Variants in PTPN21 observed in about 807,000 individuals in gnomAD.
PTPN21 encodes protein tyrosine phosphatase non-receptor type 21.
A neutral mutation model predicts 131.8 loss-of-function variants in PTPN21; 77 were observed. That is an observed-to-expected ratio of 0.58 (90% CI 0.49 to 0.71). PTPN21 has a LOEUF of 0.71. PTPN21 is among the 30% of genes least tolerant of loss of function. The pLI is 0.00. For missense variants in PTPN21, 1,552 were observed against 1,527.1 expected (o/e 1.02, Z -0.27); for synonymous variants, 715 against 621.3 (o/e 1.15, Z -2.24).
At chr14:88,488,341 A>AGGCGAACACTGCCCACTGTAGT (rs140472327) in intron 10 of PTPN21, among the ~76,000 whole-genome samples, 15,929 of 152,092 alleles carry the variant, frequency 0.1, 1,067 homozygotes, top group African/African-American at 0.18. Flanking sequence ...CCCAGTGTGG[A>AGGCGAACACTGCCCACTGTAGT]GGCGAACACT....
intron 15 of PTPN21, 123 bp downstream of exon 15, chr14:88,472,121 C>G (rs746343561): frequency 1.5e-6 from 1 of 649,910 alleles, no homozygotes; most frequent in Non-Finnish European, 2.7e-6. Context: ...TTATCTAAAA[C>G]AATACAATAA....
At chr14:88,536,326 C>T (rs1184945690) in intron 2 of PTPN21, among the ~76,000 whole-genome samples, 1 of 152,184 alleles carries the variant, frequency 6.6e-6, no homozygotes, top group Non-Finnish European at 1.5e-5. Context: ...TTCATAGCTA[C>T]TCTTCTAAAA....
chr14:88,524,748 T>A (rs2078449070), intron 2 of PTPN21, among the ~76,000 whole-genome samples: 1 of 151,972 alleles, frequency 6.6e-6, no homozygotes, highest in Non-Finnish European at 1.5e-5. Flanking sequence ...TTACAAAAAA[T>A]TTTAAAGTTA....
At chr14:88,472,202 G>T (rs752122361) in intron 15 of PTPN21, 42 bp downstream of exon 15, 4 of 1,090,070 alleles carry the variant, frequency 3.7e-6, no homozygotes, top group African/African-American at 1.6e-5. Context: ...TAACTTAACT[G>T]AAACTGCATG....
Position 88,497,218 on chromosome 14 carries a change from G to A in PTPN21, c.837C>T (p.Thr279=), listed in dbSNP as rs2140124820. ...FALELANKEE[T]IQFQTEDMET... is the part of the protein sequence containing the mutation. ...GTTTACTCACAGTTTGAAATTGAAT[G>A]GTCTCCTCTTTATTTGCCAGCTCTA... The change falls in exon 9 of 19, where the codon ACC becomes ACT. Residue 279 remains threonine (T), a synonymous_variant. Transcript: ENST00000556564. 6.2e-7 allele frequency: 1 copy of A among 1,607,940 alleles called. No individual in the cohort carries two copies. Among genetic ancestry groups the A allele is most frequent in the East Asian group, 2.2e-5 (1 of 44,842 alleles).
rs2078847323 is a variant in PTPN21 at position 88,550,371 on chromosome 14, G to A, written c.47C>T (p.Thr16Met). Residue 16 changes from threonine to methionine, a missense_variant, in exon 2 of 19, where the codon ACG (threonine) becomes ATG (methionine). Physicochemically the swap from Thr to Met is moderately conservative, Grantham distance 81. Around this residue, in one of 4 missense-constraint regions of PTPN21, gnomAD observed 206 missense variants for 221.6 expected, o/e 0.93. Transcript: ENST00000556564. ...GLKLKRTRRY[T>M]VSSKSCLVAR... The stretch of plus-strand genomic sequence containing the variant: ...AACCAGGCAACTCTTGCTGGACACC[G>A]TGTAGCGCCGGGTGCGTTTCAGTTT... 6.2e-7 allele frequency: 1 copy of A among 1,614,158 alleles called. No homozygotes were observed. The highest frequency in any genetic ancestry group is 8.5e-7 in the Non-Finnish European group (1 of 1,179,986).
Position 88,479,851 on chromosome 14 carries a change from G to T in PTPN21, c.1580C>A (p.Pro527His). 3 of 1,563,706 alleles carry T rather than the reference G, an allele frequency of 1.9e-6. No homozygotes were observed. Among genetic ancestry groups the T allele is most frequent in the Admixed American group, 1.7e-5 (1 of 58,150 alleles). Residue 527 changes from proline (P) to histidine (H), a missense_variant, in exon 13 of 19, where the codon CCT becomes CAT. This residue lies in a region of PTPN21 where 1,016 missense variants were observed against 883.5 expected (regional missense o/e 1.15). Coordinates refer to ENST00000556564, the MANE Select transcript of PTPN21 (RefSeq NM_007039.4). ...SFHSPSPYPYPAERRPVVGAV... is the reference protein window; with the variant it reads ...SFHSPSPYPYHAERRPVVGAV... ...GCCCACCACGGGCCGCCGCTCGGCA[G>T]GGTAGGGGTAGGGAGACGGGCTGTG...
At chr14:88,475,117 G>A (rs998661779) in intron 13 of PTPN21, among the ~76,000 whole-genome samples, 1 of 151,964 alleles carries the variant, frequency 6.6e-6, no homozygotes, top group African/African-American at 2.4e-5. Context: ...ACTAAGTTTC[G>A]TTGGATATAC....
intron 1 of PTPN21, chr14:88,552,121 AC>A (rs1284346229): frequency 6.6e-6 from 1 of 152,272 alleles, no homozygotes; most frequent in Non-Finnish European, 1.5e-5. Flanking sequence ...GGCAGACAGA[AC>A]CCAGGCTTCA....
Position 88,469,674 on chromosome 14 carries a change from A to G in PTPN21, c.3060T>C (p.Thr1020=), listed in dbSNP as rs1018675016. 1.2e-6 allele frequency: 2 copies of G among 1,614,034 alleles called. No homozygotes were observed. Among genetic ancestry groups the G allele is most frequent in the Non-Finnish European group, 1.7e-6 (2 of 1,180,044 alleles). ...TGATCTTAAACCTTCCATAGGTGAC[A>G]GTGTTGTGCCTGGAACCAAGTCGTG... The part of the protein sequence containing the change: ...YWPRLGSRHN[T]VTYGRFKITT... Residue 1020 remains threonine (T), a synonymous_variant, in exon 17 of 19, where the codon ACT becomes ACC. Transcript: ENST00000556564. The surrounding 1 kb of genome is among the most constrained non-coding windows in gnomAD (Gnocchi z 4.3).
chr14:88,468,374 CT>C, intron 18 of PTPN21, 109 bp from the exon 19 acceptor site: 1 of 1,070,754 alleles, frequency 9.3e-7, no homozygotes, highest in Non-Finnish European at 1.3e-6. Context: ...TGGACAGTCT[CT>C]TTTCCACCTT....
rs565009115 is a variant in PTPN21, at chr14:88,467,346, A to G, written c.*791T>C. 1.2e-4 allele frequency: 18 copies of G among 152,366 alleles called. No individual in the cohort carries two copies. The South Asian group carries it at 3.7e-3, about 32-fold the overall frequency. The allele number at this position is 152,366 out of a possible 1,614,324, so 9.4% of individuals were successfully genotyped here. On this transcript the variant is annotated 3_prime_UTR_variant, in exon 19 of 19. Transcript: ENST00000556564. The stretch of plus-strand genomic sequence containing the variant: ...ATTTTCAACCAATAAAATCAAATTC[A>G]TTTAGATCTATGAATAATACTGAAA...
intron 10 of PTPN21, among the ~76,000 whole-genome samples, chr14:88,487,986 T>C (rs1000061601): frequency 4.1e-5 from 5 of 121,672 alleles, no homozygotes; most frequent in South Asian, 2.7e-4. Context: ...AAAAAAAAAA[T>C]AGTGCCCAGA....
chr14:88,507,321 G>A (rs1054707650), intron 4 of PTPN21, among the ~76,000 whole-genome samples: 8 of 152,176 alleles, frequency 5.3e-5, no homozygotes, highest in Non-Finnish European at 1.0e-4. Context: ...GGATGGGAAT[G>A]TGTTGAGAAA....
intron 8 of PTPN21, 89 bp from the exon 9 acceptor site, chr14:88,497,379 G>T: frequency 1.0e-6 from 1 of 996,032 alleles, no homozygotes; most frequent in Non-Finnish European, 1.6e-6. Flanking sequence ...TAAGCCTGAC[G>T]TGTAAGTTAG....
chr14:88,484,937 A>C (rs960769237), intron 12 of PTPN21, 139 bp downstream of exon 12: 2 of 677,358 alleles, frequency 3.0e-6, no homozygotes, highest in Admixed American at 2.5e-5. Context: ...TCTTTTATGA[A>C]TCCAGGATAG....
chr14:88,501,466 A>T, intron 6 of PTPN21, 98 bp from the exon 7 acceptor site: 1 of 1,019,734 alleles, frequency 9.8e-7, no homozygotes. Flanking sequence ...AGCATAAGAC[A>T]TTATAAACAT....
In PTPN21 at chr14:88,469,717, T is replaced by C. The variant is rs1413515138; in HGVS notation, c.3017A>G (p.Lys1006Arg). Residue 1006 changes from lysine (K) to arginine (R), a missense_variant, in exon 17 of 19, where the codon AAG becomes AGG. Physicochemically the swap from Lys to Arg is conservative, Grantham distance 26. Around this residue, in one of 4 missense-constraint regions of PTPN21, gnomAD observed 316 missense variants for 378.5 expected, o/e 0.83. Coordinates refer to ENST00000556564, the MANE Select transcript of PTPN21 (RefSeq NM_007039.4). This position sits in a 1 kb window ranked among gnomAD's most constrained non-coding sequence, Gnocchi z 4.3. ...AAGTCGTGGCCAGTACCTAAAGCTC[T>C]TCTCCCTTCCACCCTCCTGTTAAAG... Reference protein sequence around the residue: ...VTAEEEGGREKSFRYWPRLGS... With the variant: ...VTAEEEGGRERSFRYWPRLGS... The C allele has an allele frequency of 8.7e-6, 14 of 1,613,594 alleles. No individual in the cohort carries two copies. Among genetic ancestry groups the C allele is most frequent in the Non-Finnish European group, 1.2e-5 (14 of 1,179,510 alleles).
At chr14:88,468,648 G>C (rs957094846) in intron 18 of PTPN21, among the ~76,000 whole-genome samples, 1 of 152,088 alleles carries the variant, frequency 6.6e-6, no homozygotes, top group Admixed American at 6.5e-5. Flanking sequence ...AACAGAAAAA[G>C]AATTCTGAGC....
Sources: gnomAD v4.1 joint callset for allele counts (sites outside exome capture counted in the v4.1 genomes callset) on GRCh38, gnomAD v4.1.1 for gene constraint, gnomAD v4.1.1 regional missense constraint, Gnocchi (gnomAD v3.1) non-coding constraint, MANE v1.5 for transcripts, NCBI Gene and HGNC (gene_info 2026-07-23, HGNC 2026-07-21) for gene names.